Variants in PCLO observed in about 807,000 individuals in gnomAD.
PCLO encodes protein piccolo.
Under a neutral mutation model 427.5 loss-of-function variants are expected in PCLO, and 82 were observed. That is an observed-to-expected ratio of 0.19 (90% CI 0.16 to 0.23). The LOEUF (loss-of-function observed/expected upper bound fraction) is 0.23. Ranked by LOEUF, PCLO falls within the 10% of genes least tolerant of loss-of-function variation. The pLI is 1.00. For synonymous variants in PCLO, 2,357 were observed against 2,155.4 expected, an observed-to-expected ratio of 1.09 and a Z score of -2.59; for missense variants, 6,239 against 6,115.9, an observed-to-expected ratio of 1.02 and a Z score of -0.67.
At chr7:82,772,197 A>T (rs544669031) in intron 22 of PCLO, among the ~76,000 whole-genome samples, 1 of 152,110 alleles carries the variant, frequency 6.6e-6, no homozygotes, top group South Asian at 2.1e-4. Context: ...TATCATTTCC[A>T]CCTCTTTTGG....
In PCLO at chr7:82,879,356, C is replaced by T; in HGVS notation, c.13635G>A (p.Gln4545=). Residue 4545 remains glutamine (Q), a synonymous_variant, in exon 10 of 25, where the codon CAG becomes CAA. Transcript: ENST00000333891. ...AKILPGGSAE[Q]TGKLMEGMQV... is the part of the protein sequence containing the mutation. ...TCTTACCTTCCATAAGCTTCCCCGT[C>T]TGTTCCGCACTTCCCCCAGGAAGAA... The T allele has an allele frequency of 1.2e-6, 2 of 1,611,886 alleles. No individual in the cohort carries two copies. Among genetic ancestry groups the T allele is most frequent in the Admixed American group, 1.7e-5 (1 of 59,826 alleles).
chr7:82,925,925 C>A (rs1320355152), intron 6 of PCLO, among the ~76,000 whole-genome samples: 1 of 151,488 alleles, frequency 6.6e-6, no homozygotes, highest in Non-Finnish European at 1.5e-5. Flanking sequence ...CACTATGTTG[C>A]CCCGGCTGGT....
chr7:82,859,703 C>T (rs922782258), intron 10 of PCLO, among the ~76,000 whole-genome samples: 3 of 152,040 alleles, frequency 2.0e-5, no homozygotes, highest in Admixed American at 1.3e-4. Context: ...GACAGGAAAA[C>T]ATGACCTCAC....
intron 3 of PCLO, among the ~76,000 whole-genome samples, chr7:83,057,348 ATTTTTTT>A (rs1199445166): frequency 1.0e-4 from 2 of 19,618 alleles, no homozygotes; most frequent in African/African-American, 1.7e-4. Flanking sequence ...ATATATATAT[ATTTTTTT>A]TTTTTTTTTT....
chr7:83,104,802 G>GC (rs1790814899), intron 3 of PCLO, among the ~76,000 whole-genome samples: 1 of 152,030 alleles, frequency 6.6e-6, no homozygotes, highest in African/African-American at 2.4e-5. Flanking sequence ...ACACAACTAT[G>GC]CCATAGATCA....
intron 3 of PCLO, among the ~76,000 whole-genome samples, chr7:83,019,231 A>G (rs921563792): frequency 1.3e-5 from 2 of 151,994 alleles, no homozygotes; most frequent in Non-Finnish European, 2.9e-5. Flanking sequence ...TTGCTTGTAA[A>G]TAGTGTAGCT....
chr7:82,887,976 A>G (rs1334175246), intron 9 of PCLO, among the ~76,000 whole-genome samples: 1 of 152,022 alleles, frequency 6.6e-6, no homozygotes, highest in Non-Finnish European at 1.5e-5. Flanking sequence ...AGGCTGAGGC[A>G]GGAGAATCAC....
In PCLO at chr7:83,134,473, T is replaced by A; in HGVS notation, c.3077A>T (p.Lys1026Met). The A allele has an allele frequency of 5.6e-6, 9 of 1,613,162 alleles. No homozygotes were observed. The highest frequency in any genetic ancestry group is 7.6e-6 in the Non-Finnish European group (9 of 1,179,650). The change falls in exon 3 of 25, where the codon AAG becomes ATG. Residue 1026 changes from lysine to methionine, a missense_variant. By Grantham distance (95) the Lys-to-Met change is moderately conservative. Around this residue, in one of 5 missense-constraint regions of PCLO, gnomAD observed 4,677 missense variants for 4,468.4 expected, o/e 1.05. Transcript: ENST00000333891. Reference sequence around the variant, plus strand: ...TTTGCTATCCTTAATAGGTGGTGGCTTTTTTTCTGTTTCTGTTCTTTTTAC... The same window carrying A: ...TTTGCTATCCTTAATAGGTGGTGGCATTTTTTCTGTTTCTGTTCTTTTTAC... The part of the protein sequence containing the change: ...PTVKRTETEK[K>M]PPPIKDSKSL...
In PCLO at chr7:83,112,442, A is replaced by G. The variant is rs188173094; in HGVS notation, c.3300+21808T>C. 3.3e-3 allele frequency among the ~76,000 whole-genome samples: 497 copies of G among 152,292 alleles called. 5 individuals carry two copies. Among genetic ancestry groups the G allele is most frequent in the Non-Finnish European group, 5.7e-3 (386 of 68,026 alleles). On this transcript the variant is annotated intron_variant, in intron 3 of 24. Coordinates refer to ENST00000333891, the MANE Select transcript of PCLO (RefSeq NM_033026.6). ...TTAGTAAAATAGTAATCATAATGACAAAGCTTTTTCTTAATCCAATTTTTT... is the reference window on the plus strand; with the variant it reads ...TTAGTAAAATAGTAATCATAATGACGAAGCTTTTTCTTAATCCAATTTTTT...
Position 83,156,408 on chromosome 7 carries a change from A to AC in PCLO, c.249-17_249-16insG. The AC allele has an allele frequency of 7.0e-7, 1 of 1,422,958 alleles. No individual in the cohort carries two copies. The highest frequency in any genetic ancestry group is 9.5e-7 in the Non-Finnish European group (1 of 1,055,146). 88.1% of individuals were successfully genotyped at this position (1,422,958 alleles called of 1,614,324 possible). A position where few individuals can be genotyped will look rare whatever the true frequency, so the allele number is the denominator to read the frequency against. ...CTCTTGTTTCCTAGAAGAGTTAAAA[A>AC]AAAAAAAAAAAATCAAGTGAAAATA... On this transcript the variant is annotated splice_polypyrimidine_tract_variant and intron_variant, in intron 1 of 24. Transcript: ENST00000333891.
chr7:83,138,128 C>G (rs1791773473), intron 2 of PCLO, among the ~76,000 whole-genome samples: 1 of 152,244 alleles, frequency 6.6e-6, no homozygotes, highest in Non-Finnish European at 1.5e-5. Context: ...GAATTAAAGG[C>G]ATAATTCTTA....
At chr7:83,116,308 G>A (rs1791129920) in intron 3 of PCLO, among the ~76,000 whole-genome samples, 1 of 151,894 alleles carries the variant, frequency 6.6e-6, no homozygotes, top group Non-Finnish European at 1.5e-5. Flanking sequence ...TAATAACGTG[G>A]GCTTACGTAA....
intron 9 of PCLO, among the ~76,000 whole-genome samples, chr7:82,898,153 A>G (rs1003303976): frequency 3.3e-5 from 5 of 151,570 alleles, no homozygotes; most frequent in African/African-American, 1.2e-4. Context: ...CTACTTCTGT[A>G]TCAAATCTCT....
rs371631647 is a variant in PCLO, at chr7:82,955,332, G to A, written c.5621C>T (p.Pro1874Leu). 3.2e-5 allele frequency: 51 copies of A among 1,613,090 alleles called. No individual in the cohort carries two copies. Among genetic ancestry groups the A allele is most frequent in the Non-Finnish European group, 3.4e-5 (40 of 1,179,686 alleles). The change falls in exon 5 of 25, where the codon CCG (proline) becomes CTG (leucine). Residue 1874 changes from proline (P) to leucine (L), a missense_variant. Transcript: ENST00000333891. The part of the protein sequence containing the change: ...ESDPEGFEIS[P>L]EKIIEVQKVY... ...TTTTTGTACTTCTATTATTTTTTCC[G>A]GGCTTATTTCAAAACCTTCTGGGTC...
rs1374231360 is a variant in PCLO at position 82,761,920 on chromosome 7, A to C, written c.15008-427T>G. 2.6e-5 allele frequency among the ~76,000 whole-genome samples: 4 copies of C among 152,184 alleles called. No individual in the cohort carries two copies. The East Asian group carries it at 7.7e-4, about 29-fold the overall frequency. Reference sequence around the variant, plus strand: ...TGTAGACTTTAGGACAAAAGAAGTAATAGATATGACTGTATCAATTCACAT... The same window carrying C: ...TGTAGACTTTAGGACAAAAGAAGTACTAGATATGACTGTATCAATTCACAT... On this transcript the variant is annotated intron_variant, in intron 22 of 24. Coordinates refer to ENST00000333891, the MANE Select transcript of PCLO (RefSeq NM_033026.6).
At chr7:83,040,026 T>A (rs1788932930) in intron 3 of PCLO, among the ~76,000 whole-genome samples, 1 of 152,176 alleles carries the variant, frequency 6.6e-6, no homozygotes, top group African/African-American at 2.4e-5. Context: ...TCTGCAGCAT[T>A]GCTGAACTTG....
chr7:82,776,470 T>C (rs1265170487), intron 22 of PCLO, among the ~76,000 whole-genome samples: 3 of 151,952 alleles, frequency 2.0e-5, no homozygotes. Context: ...AGCAAAAATC[T>C]ATCCAATATG....
intron 3 of PCLO, among the ~76,000 whole-genome samples, chr7:83,037,714 CTAAAA>C (rs1478993056): frequency 6.6e-6 from 1 of 150,900 alleles, no homozygotes; most frequent in East Asian, 2.0e-4. Context: ...TCATATTATC[CTAAAA>C]TATCTTCCAG....
chr7:83,037,692 C>T (rs1788829563), intron 3 of PCLO, among the ~76,000 whole-genome samples: 1 of 151,098 alleles, frequency 6.6e-6, no homozygotes, highest in Admixed American at 6.6e-5. Flanking sequence ...CTCTAGCTTC[C>T]TCTGGCTTCT....
Sources: allele counts gnomAD v4.1 joint callset (sites outside exome capture counted in the v4.1 genomes callset), GRCh38; gene constraint gnomAD v4.1.1; regional missense constraint gnomAD v4.1.1; transcripts MANE v1.5; gene names NCBI Gene and HGNC (gene_info 2026-07-23, HGNC 2026-07-21).